TSPAN7: variants seen among roughly 807,000 people sequenced by gnomAD.
TSPAN7 encodes tetraspanin 7.
Under a neutral mutation model 17.6 loss-of-function variants are expected in TSPAN7, and 1 was observed. That is an observed-to-expected ratio of 0.06 (90% confidence interval 0.02 to 0.27). TSPAN7 has a LOEUF of 0.27. TSPAN7 is among the 10% of genes least tolerant of loss of function. TSPAN7 has a pLI of 1.00. For missense variants in TSPAN7, 112 were observed against 201.7 expected (o/e 0.56, Z 2.69); for synonymous variants, 78 against 79.0 (o/e 0.99, Z 0.07).
chrX:38,636,081 T>TATTTATTC (rs1406549806), intron 1 of TSPAN7, among the ~76,000 whole-genome samples: 7 of 107,944 alleles, frequency 6.5e-5, no homozygotes, highest in African/African-American at 2.4e-4. Flanking sequence ...TTTTGTTATT[T>TATTTATTC]ATTTATTTAT....
rs1340475803 is a variant in TSPAN7, at chrX:38,671,544, A to G, written c.345+94A>G. On this transcript the variant is annotated intron_variant, in intron 3 of 7. Transcript: ENST00000378482. ...AATGTGTAAAGGGTGCATATAGGCT[A>G]GCTGTTTTCCTCAGTGGTGTTGTTG... 5 of 859,988 alleles carry G rather than the reference A, an allele frequency of 5.8e-6. No homozygotes were observed. In the Middle Eastern group the frequency reaches 1.1e-3, roughly 188 times the overall value. 70.9% of individuals were successfully genotyped at this position (859,988 alleles called of 1,213,427 possible). A position where few individuals can be genotyped will look rare whatever the true frequency, so the allele number is the denominator to read the frequency against.
At chrX:38,596,977 T>A (rs1488376693) in intron 1 of TSPAN7, among the ~76,000 whole-genome samples, 1 of 111,403 alleles carries the variant, frequency 9.0e-6, no homozygotes, top group Non-Finnish European at 1.9e-5. Context: ...ACTTTTGAAC[T>A]CATTCTGGAA....
rs139066276 is a variant in TSPAN7 at position 38,564,431 on chromosome X, G to A, written c.81+2804G>A. Among the ~76,000 whole-genome samples the A allele has an allele frequency of 9.1e-3, 1,020 of 112,073 alleles. 9 individuals carry two copies. The highest frequency in any genetic ancestry group is 0.032 in the African/African-American group (983 of 30,801). On this transcript the variant is annotated intron_variant, in intron 1 of 7. Coordinates refer to ENST00000378482, the MANE Select transcript of TSPAN7 (RefSeq NM_004615.4). ...TTGATTGGGTCATTTAGCTATCATG[G>A]ATAATGGTGCTATAAACATTCATGT... is the stretch of plus-strand genomic sequence containing the variant.
intron 1 of TSPAN7, among the ~76,000 whole-genome samples, chrX:38,614,606 AT>A: frequency 8.9e-6 from 1 of 112,695 alleles, no homozygotes; most frequent in African/African-American, 3.2e-5. Context: ...TGTAACCTTG[AT>A]TTACAAAGTG....
chrX:38,563,108 G>A (rs900677741), intron 1 of TSPAN7: 1 of 967,852 alleles, frequency 1.0e-6, no homozygotes, highest in Non-Finnish European at 1.3e-6. Flanking sequence ...TTTCCTTATC[G>A]CTGGCGTTGG....
intron 1 of TSPAN7, among the ~76,000 whole-genome samples, chrX:38,617,281 T>G (rs1258536999): frequency 8.9e-6 from 1 of 112,601 alleles, no homozygotes; most frequent in Non-Finnish European, 1.9e-5. Flanking sequence ...AGGATGAACA[T>G]GTTTTAAAGA....
At chrX:38,583,956 T>C (rs1387912434) in intron 1 of TSPAN7, among the ~76,000 whole-genome samples, 4 of 91,762 alleles carry the variant, frequency 4.4e-5, no homozygotes, top group South Asian at 1.2e-3. Context: ...TTTCTTTTTT[T>C]TTTTTTTTTT....
chrX:38,671,252 T>C lies in TSPAN7; in HGVS notation c.271-124T>C, dbSNP rs190255622. ...GAGACGAATGTTTTATATTTTTTTC[T>C]AAACTTTGTCTAGGGAGTGTGAGGA... On this transcript the variant is annotated intron_variant, in intron 2 of 7. Transcript: ENST00000378482. The C allele has an allele frequency of 3.5e-4, 235 of 671,055 alleles. No homozygotes were observed. In the African/African-American group the frequency reaches 4.6e-3, roughly 13 times the overall value. The allele number at this position is 671,055 out of a possible 1,213,427, so 55.3% of individuals were successfully genotyped here. A position where few individuals can be genotyped will look rare whatever the true frequency, so the allele number is the denominator to read the frequency against.
chrX:38,622,966 A>G (rs2147424578), intron 1 of TSPAN7: 1 of 331,600 alleles, frequency 3.0e-6, no homozygotes, highest in Non-Finnish European at 5.9e-6. Context: ...GTAATATGGT[A>G]TGGAAGATGG....
chrX:38,569,447 G>A (rs946976421), intron 1 of TSPAN7, among the ~76,000 whole-genome samples: 5 of 91,997 alleles, frequency 5.4e-5, no homozygotes, highest in Non-Finnish European at 8.4e-5. Flanking sequence ...ATAAATATCT[G>A]AACCTATAGT....
rs193072391 is a variant in TSPAN7, at chrX:38,570,299, G to T, written c.81+8672G>T. ...TGGGACTTGTACATTATAATCTGGAGTTTTTTCTTATTTTATCAACTTAAT... is the reference window on the plus strand; with the variant it reads ...TGGGACTTGTACATTATAATCTGGATTTTTTTCTTATTTTATCAACTTAAT... On this transcript the variant is annotated intron_variant, in intron 1 of 7. Coordinates refer to ENST00000378482, the MANE Select transcript of TSPAN7 (RefSeq NM_004615.4). 1.4e-4 allele frequency among the ~76,000 whole-genome samples: 16 copies of T among 111,858 alleles called. No individual in the cohort carries two copies. In the East Asian group the frequency reaches 4.2e-3, roughly 29 times the overall value.
intron 1 of TSPAN7, among the ~76,000 whole-genome samples, chrX:38,587,589 T>C (rs993306842): frequency 7.8e-4 from 87 of 111,801 alleles, no homozygotes; most frequent in African/African-American, 2.7e-3. Flanking sequence ...GACTGATAGG[T>C]AGAATATACA....
chrX:38,650,988 T>C (rs1028123956), intron 1 of TSPAN7, among the ~76,000 whole-genome samples: 1 of 109,213 alleles, frequency 9.2e-6, no homozygotes, highest in African/African-American at 3.4e-5. Flanking sequence ...GTGTCCTTGA[T>C]GAGAGCTATT....
At chrX:38,603,185 C>A (rs374415136) in intron 1 of TSPAN7, among the ~76,000 whole-genome samples, 1 of 111,654 alleles carries the variant, frequency 9.0e-6, no homozygotes, top group Admixed American at 9.5e-5. Flanking sequence ...TGATATTAAC[C>A]ATTAGGAAAA....
chrX:38,671,658 C>A (rs2069821653), intron 3 of TSPAN7, among the ~76,000 whole-genome samples: 1 of 111,609 alleles, frequency 9.0e-6, no homozygotes, highest in Non-Finnish European at 1.9e-5. Flanking sequence ...CATTGTTGAT[C>A]TTCACTGTTT....
At chrX:38,622,886 CTGTT>C (rs1278092311) in intron 1 of TSPAN7, 3 of 329,689 alleles carry the variant, frequency 9.1e-6, no homozygotes, top group Non-Finnish European at 1.8e-5. Context: ...GTGTATATTT[CTGTT>C]TGTTTGGGAT....
chrX:38,653,186 A>T (rs1258517313), intron 1 of TSPAN7, among the ~76,000 whole-genome samples: 1 of 111,999 alleles, frequency 8.9e-6, no homozygotes, highest in Non-Finnish European at 1.9e-5. Flanking sequence ...AATAAATGTG[A>T]TGAAGCGTAT....
At chrX:38,588,666 A>T (rs2069272620) in intron 1 of TSPAN7, among the ~76,000 whole-genome samples, 4 of 111,747 alleles carry the variant, frequency 3.6e-5, no homozygotes. Context: ...TGGTTTTTCA[A>T]CTTGAGAAAA....
In TSPAN7 at chrX:38,597,302, T is replaced by A. The variant is rs369019467; in HGVS notation, c.81+35675T>A. ...CTCTACTTTCTTATTTCAGCTCTCA[T>A]ACTATAAACAAGTATTTTTTTTTGT... On this transcript the variant is annotated intron_variant, in intron 1 of 7. Coordinates refer to ENST00000378482, the MANE Select transcript of TSPAN7 (RefSeq NM_004615.4). 2.2e-3 allele frequency among the ~76,000 whole-genome samples: 245 copies of A among 111,234 alleles called. 1 individual carries two copies. Among genetic ancestry groups the A allele is most frequent in the South Asian group, 0.011 (28 of 2,639 alleles).
Sources: gnomAD v4.1 joint callset for allele counts (sites outside exome capture counted in the v4.1 genomes callset) on GRCh38, gnomAD v4.1.1 for gene constraint, MANE v1.5 for transcripts, NCBI Gene and HGNC (gene_info 2026-07-23, HGNC 2026-07-21) for gene names.